Variants in NF1 observed in about 807,000 individuals in gnomAD.
The protein encoded by NF1 is neurofibromin.
NF1 carries 122 observed loss-of-function variants against 325.7 expected under a neutral mutation model. The observed-to-expected ratio is 0.37, with a 90% CI of 0.32 to 0.44. The LOEUF is 0.44. Ranked by LOEUF, NF1 falls within the 20% of genes least tolerant of loss-of-function variation. The pLI is 1.00. For missense variants in NF1, 2,140 were observed against 3,415.4 expected (o/e 0.63, Z 9.31); for synonymous variants, 1,091 against 1,186.0 (o/e 0.92, Z 1.65).
Position 31,181,801 on chromosome 17 carries a change from A to ATTTTTTTTTTTTTTTT in NF1, c.730+17_730+32dup, listed in dbSNP as rs71142032. 2.7e-5 allele frequency: 33 copies of ATTTTTTTTTTTTTTTT among 1,218,958 alleles called. No homozygotes were observed. Among genetic ancestry groups the ATTTTTTTTTTTTTTTT allele is most frequent in the Middle Eastern group, 2.5e-4 (1 of 4,056 alleles). 75.5% of individuals were successfully genotyped at this position (1,218,958 alleles called of 1,614,324 possible). A position where few individuals can be genotyped will look rare whatever the true frequency, so the allele number is the denominator to read the frequency against. On this transcript the variant is annotated intron_variant, in intron 7 of 57. Transcript: ENST00000358273. The stretch of plus-strand genomic sequence containing the variant: ...GATATGGCTGGTAAGGATACGATTG[A>ATTTTTTTTTTTTTTTT]TTTTTTTTTTTTTTTTGTCTTTTAA...
chr17:31,305,516 A>G, intron 36 of NF1: 1 of 1,614,178 alleles, frequency 6.2e-7, no homozygotes. Context: ...GTAGGCTGTG[A>G]CTGCTTCTCT....
chr17:31,364,052 T>C (rs1001204399), intron 57 of NF1, among the ~76,000 whole-genome samples: 2 of 152,192 alleles, frequency 1.3e-5, no homozygotes, highest in East Asian at 3.8e-4. Flanking sequence ...TCTCATTTCT[T>C]TATGGCGTTG....
At position 31,337,288 on chromosome 17, in the gene NF1, A is replaced by G. The variant is rs1597843543; in HGVS notation, c.6428-80A>G. The G allele has an allele frequency of 3.3e-6, 4 of 1,210,152 alleles. No homozygotes were observed. The South Asian group carries it at 4.0e-5, about 12-fold the overall frequency. 75.0% of individuals were successfully genotyped at this position (1,210,152 alleles called of 1,614,324 possible). A position where few individuals can be genotyped will look rare whatever the true frequency, so the allele number is the denominator to read the frequency against. On this transcript the variant is annotated intron_variant, in intron 42 of 57. Coordinates refer to ENST00000358273, the MANE Select transcript of NF1 (RefSeq NM_001042492.3). ...TTTTTATATGGTATTCAAATTTTCTAAATTCAAAATGAAACATGGAACTTT... is the reference window on the plus strand; with the variant it reads ...TTTTTATATGGTATTCAAATTTTCTGAATTCAAAATGAAACATGGAACTTT...
chr17:31,296,592 CT>C (rs896264582), intron 36 of NF1: 8 of 474,504 alleles, frequency 1.7e-5, no homozygotes, highest in African/African-American at 1.4e-4. Flanking sequence ...TTCTCTCTCC[CT>C]CCCCCCTTTT....
Position 31,343,009 on chromosome 17 carries a change from A to G in NF1, c.7063A>G (p.Ser2355Gly). 6.2e-7 allele frequency: 1 copy of G among 1,614,142 alleles called. No individual in the cohort carries two copies. Residue 2355 changes from serine to glycine, a missense_variant and splice_region_variant, in exon 48 of 58, where the codon AGT becomes GGT. By Grantham distance (56) the Ser-to-Gly change is moderately conservative (BLOSUM62 0). Around this residue, in one of 10 missense-constraint regions of NF1, gnomAD observed 522 missense variants for 749.0 expected, o/e 0.70. Transcript: ENST00000358273. ...LDSLRIFNDK[S>G]PEEVFMAIRN... ...ACCATCTCATGATTATCTTTAATAGAGTCCAGAGGAAGTATTTATGGCAAT... is the reference window on the plus strand; with the variant it reads ...ACCATCTCATGATTATCTTTAATAGGGTCCAGAGGAAGTATTTATGGCAAT...
chr17:31,296,835 T>C (rs1365307645), intron 36 of NF1: 1 of 159,098 alleles, frequency 6.3e-6, no homozygotes, highest in African/African-American at 2.4e-5. Context: ...TTCTTCGAAA[T>C]TTTATCTGTA....
intron 36 of NF1, among the ~76,000 whole-genome samples, chr17:31,311,054 C>T (rs2068862384): frequency 6.6e-6 from 1 of 151,374 alleles, no homozygotes; most frequent in Non-Finnish European, 1.5e-5. Context: ...TCAAGCGATC[C>T]TCCTCACACC....
intron 49 of NF1, among the ~76,000 whole-genome samples, chr17:31,349,534 G>A (rs2070087792): frequency 6.6e-6 from 1 of 152,166 alleles, no homozygotes; most frequent in Non-Finnish European, 1.5e-5. Flanking sequence ...GAATGCTTCA[G>A]TCTAGCACCC....
At chr17:31,121,963 C>T (rs1914478144) in intron 1 of NF1, among the ~76,000 whole-genome samples, 1 of 152,126 alleles carries the variant, frequency 6.6e-6, no homozygotes, top group South Asian at 2.1e-4. Flanking sequence ...TATCCCCAGG[C>T]TTAGCACAGT....
intron 36 of NF1, among the ~76,000 whole-genome samples, chr17:31,286,123 C>T (rs2068222420): frequency 6.6e-6 from 1 of 152,030 alleles, no homozygotes. Context: ...GAGATGGAGT[C>T]TTGCTCTGTT....
intron 12 of NF1, among the ~76,000 whole-genome samples, chr17:31,210,612 A>T (rs531119516): frequency 6.6e-6 from 1 of 151,672 alleles, no homozygotes; most frequent in Admixed American, 6.6e-5. Flanking sequence ...AAAACAAAAA[A>T]CCCTCCTGTT....
intron 1 of NF1, among the ~76,000 whole-genome samples, chr17:31,155,578 A>G (rs117636251): frequency 1.0e-3 from 152 of 152,350 alleles, no homozygotes; most frequent in Non-Finnish European, 1.7e-3. Context: ...AAACGGTTGT[A>G]TGCATTTTAT....
chr17:31,216,400 G>A (rs2066820517), intron 13 of NF1, among the ~76,000 whole-genome samples: 1 of 152,086 alleles, frequency 6.6e-6, no homozygotes, highest in Admixed American at 6.5e-5. Context: ...TAGAAGATTC[G>A]TTGTAAATAT....
chr17:31,221,905 C>T lies in NF1; in HGVS notation c.1697C>T (p.Pro566Leu), dbSNP rs2144004604. 6.2e-7 allele frequency: 1 copy of T among 1,606,560 alleles called. No individual in the cohort carries two copies. The highest frequency in any genetic ancestry group is 8.5e-7 in the Non-Finnish European group (1 of 1,178,952). ...ATTGATTTGTGGAATCCTGATGCTCCTGTAGAAACATTTTGGGAGATTAGG... is the reference window on the plus strand; with the variant it reads ...ATTGATTTGTGGAATCCTGATGCTCTTGTAGAAACATTTTGGGAGATTAGG... ...DSIDLWNPDAPVETFWEISSQ... is the reference protein window; with the variant it reads ...DSIDLWNPDALVETFWEISSQ... The change falls in exon 15 of 58, where the codon CCT becomes CTT. Residue 566 changes from proline to leucine, a missense_variant. This residue lies in a region of NF1 where 179 missense variants were observed against 381.0 expected (regional missense o/e 0.47). Coordinates refer to ENST00000358273, the MANE Select transcript of NF1 (RefSeq NM_001042492.3).
intron 39 of NF1, among the ~76,000 whole-genome samples, chr17:31,332,069 T>C (rs2069512138): frequency 6.6e-6 from 1 of 151,896 alleles, no homozygotes. Flanking sequence ...AGCGAACAGA[T>C]TTGACTACAT....
At chr17:31,326,364 T>A in intron 37 of NF1, 112 bp downstream of exon 37, 1 of 1,105,240 alleles carries the variant, frequency 9.0e-7, no homozygotes, top group Non-Finnish European at 1.3e-6. Context: ...AAATGTCACG[T>A]AAGGCTGTCG....
intron 1 of NF1, among the ~76,000 whole-genome samples, chr17:31,111,155 A>G (rs1046922826): frequency 6.6e-6 from 1 of 152,060 alleles, no homozygotes; most frequent in African/African-American, 2.4e-5. Context: ...TATACACAGC[A>G]GAAGGCAAGA....
chr17:31,261,987 T>A (rs2067694527), intron 35 of NF1, 130 bp downstream of exon 35: 3 of 821,922 alleles, frequency 3.6e-6, no homozygotes, highest in Non-Finnish European at 5.9e-6. Context: ...ATTGCCATGT[T>A]TGGGGAATCC....
chr17:31,154,363 C>T (rs1917171816), intron 1 of NF1, among the ~76,000 whole-genome samples: 1 of 152,038 alleles, frequency 6.6e-6, no homozygotes, highest in Non-Finnish European at 1.5e-5. Flanking sequence ...GGCCATTTCT[C>T]TGATTTTTAT....
Sources: allele counts gnomAD v4.1 joint callset (sites outside exome capture counted in the v4.1 genomes callset), GRCh38; gene constraint gnomAD v4.1.1; regional missense constraint gnomAD v4.1.1; transcripts MANE v1.5; gene names NCBI Gene and HGNC (gene_info 2026-07-23, HGNC 2026-07-21).